Variants in CTNNA3 observed in about 807,000 individuals in gnomAD.
CTNNA3 encodes catenin alpha 3.
In CTNNA3, 76 loss-of-function variants were observed where a neutral mutation model predicts 95.7. The ratio of observed to expected loss-of-function variants is 0.79; its 90% CI spans 0.66 to 0.96. CTNNA3 has a LOEUF of 0.96. Among genes scored for constraint, CTNNA3 ranks in the 40% least tolerant of loss-of-function variants. The pLI is 0.00. For missense variants in CTNNA3, 1,191 were observed against 1,089.8 expected, an observed-to-expected ratio of 1.09 and a Z score of -1.31; for synonymous variants, 431 against 374.4, an observed-to-expected ratio of 1.15 and a Z score of -1.74.
intron 7 of CTNNA3, among the ~76,000 whole-genome samples, chr10:67,109,832 G>A (rs1259421785): frequency 6.6e-6 from 1 of 152,094 alleles, no homozygotes; most frequent in African/African-American, 2.4e-5. Flanking sequence ...AACAGAGAGA[G>A]ACTCAATCTC....
chr10:67,250,142 A>G (rs941196723), intron 5 of CTNNA3, among the ~76,000 whole-genome samples: 2 of 152,106 alleles, frequency 1.3e-5, no homozygotes, highest in Non-Finnish European at 2.9e-5. Flanking sequence ...AGGTCCACTT[A>G]CACAGATTTT....
rs1380666219 is a variant in CTNNA3, at chr10:66,621,800, A to T, written c.1282-16T>A. ...GATTTGCCACCTTAAATACAATCCA[A>T]AATAATGGAAATTATTTTAGATTAG... On this transcript the variant is annotated splice_polypyrimidine_tract_variant and intron_variant, in intron 9 of 17. Coordinates refer to ENST00000433211, the MANE Select transcript of CTNNA3 (RefSeq NM_013266.4). 1.1e-5 allele frequency: 16 copies of T among 1,505,518 alleles called. No individual in the cohort carries two copies. In the African/African-American group the frequency reaches 1.7e-4, roughly 16 times the overall value. The allele number at this position is 1,505,518 out of a possible 1,614,324, so 93.3% of individuals were successfully genotyped here.
chr10:66,938,167 T>G (rs967197326), intron 7 of CTNNA3, among the ~76,000 whole-genome samples: 1 of 152,132 alleles, frequency 6.6e-6, no homozygotes, highest in Non-Finnish European at 1.5e-5. Context: ...TCATAAAAAC[T>G]TTTTTTAGTT....
intron 9 of CTNNA3, among the ~76,000 whole-genome samples, chr10:66,740,663 C>T (rs2132695753): frequency 6.6e-6 from 1 of 152,314 alleles, no homozygotes; most frequent in Admixed American, 6.5e-5. Flanking sequence ...ATTATTCTCA[C>T]AGACACAAAC....
At chr10:65,960,713 T>C (rs1172039726) in intron 17 of CTNNA3, among the ~76,000 whole-genome samples, 1 of 152,210 alleles carries the variant, frequency 6.6e-6, no homozygotes, top group Non-Finnish European at 1.5e-5. Flanking sequence ...ACTGTTCCCA[T>C]CTTTATGTCC....
chr10:66,326,326 A>T (rs1349160897), intron 12 of CTNNA3, among the ~76,000 whole-genome samples: 1 of 152,086 alleles, frequency 6.6e-6, no homozygotes, highest in African/African-American at 2.4e-5. Flanking sequence ...TACATAACCA[A>T]TAAGAGTTTC....
intron 15 of CTNNA3, among the ~76,000 whole-genome samples, chr10:66,038,557 A>G (rs2079615636): frequency 6.6e-6 from 1 of 152,252 alleles, no homozygotes; most frequent in South Asian, 2.1e-4. Context: ...CAGTACTGTT[A>G]CTTGAAAATT....
At chr10:67,699,254 C>T (rs528510378), upstream of CTNNA3, among the ~76,000 whole-genome samples, 18 of 152,194 alleles carry the variant, frequency 1.2e-4, no homozygotes, top group African/African-American at 4.3e-4. Context: ...GTGGTTGCTA[C>T]TTAGTTCTCT....
At chr10:66,179,133 C>T (rs1175166413) in intron 13 of CTNNA3, among the ~76,000 whole-genome samples, 1 of 151,844 alleles carries the variant, frequency 6.6e-6, no homozygotes, top group African/African-American at 2.4e-5. Flanking sequence ...TTCATAATAG[C>T]CCCAAACTGG....
At chr10:67,131,556 G>A (rs894860820) in intron 7 of CTNNA3, among the ~76,000 whole-genome samples, 27 of 152,022 alleles carry the variant, frequency 1.8e-4, no homozygotes, top group African/African-American at 6.3e-4. Context: ...GGTTCCCACT[G>A]CAGTGATGCT....
At chr10:66,672,342 C>T (rs759294647) in intron 9 of CTNNA3, among the ~76,000 whole-genome samples, 21 of 152,048 alleles carry the variant, frequency 1.4e-4, no homozygotes, top group South Asian at 4.1e-4. Flanking sequence ...TCTGCTCTTA[C>T]GGAGTTCACA....
chr10:65,938,111 C>T (rs1035456379), intron 17 of CTNNA3, among the ~76,000 whole-genome samples: 1 of 152,114 alleles, frequency 6.6e-6, no homozygotes, highest in Admixed American at 6.5e-5. Flanking sequence ...GGGGCCATCT[C>T]AATGAGTATG....
At chr10:65,981,286 A>G (rs536961452) in intron 16 of CTNNA3, among the ~76,000 whole-genome samples, 1 of 152,160 alleles carries the variant, frequency 6.6e-6, no homozygotes, top group Non-Finnish European at 1.5e-5. Context: ...GAATATACCT[A>G]ACCAAGGAGG....
At chr10:67,692,124 C>G (rs2133590853) in intron 1 of CTNNA3, among the ~76,000 whole-genome samples, 1 of 150,550 alleles carries the variant, frequency 6.6e-6, no homozygotes, top group East Asian at 2.0e-4. Context: ...GGTGGGGGGT[C>G]AGCCCCCTGC....
chr10:66,153,422 G>A (rs2084309504), intron 13 of CTNNA3, among the ~76,000 whole-genome samples: 1 of 151,878 alleles, frequency 6.6e-6, no homozygotes, highest in Admixed American at 6.6e-5. Flanking sequence ...ATATTAGAAG[G>A]CAATTAATTG....
At chr10:66,069,253 A>C in intron 15 of CTNNA3, 55 bp downstream of exon 15, 3 of 1,541,008 alleles carry the variant, frequency 1.9e-6, no homozygotes, top group Non-Finnish European at 2.7e-6. Flanking sequence ...TTTCACTAAT[A>C]TGACTAATAT....
chr10:67,241,973 C>T (rs1432977132), intron 5 of CTNNA3, among the ~76,000 whole-genome samples: 1 of 152,200 alleles, frequency 6.6e-6, no homozygotes. Context: ...TGTCTCAACA[C>T]TCTTTCTACT....
intron 5 of CTNNA3, among the ~76,000 whole-genome samples, chr10:67,234,625 C>A (rs926802882): frequency 6.6e-6 from 1 of 151,650 alleles, no homozygotes; most frequent in Non-Finnish European, 1.5e-5. Flanking sequence ...CCCTCTCTCA[C>A]CACTCCTATT....
At chr10:66,053,823 A>G (rs932458654) in intron 15 of CTNNA3, among the ~76,000 whole-genome samples, 1 of 152,082 alleles carries the variant, frequency 6.6e-6, no homozygotes, top group African/African-American at 2.4e-5. Context: ...ATTGTTTACT[A>G]TAGTTTCCCT....
Sources: allele counts gnomAD v4.1 joint callset (sites outside exome capture counted in the v4.1 genomes callset), GRCh38; gene constraint gnomAD v4.1.1; transcripts MANE v1.5; gene names NCBI Gene and HGNC (gene_info 2026-07-23, HGNC 2026-07-21).